REEP5: variants seen among roughly 807,000 people sequenced by gnomAD.
REEP5 encodes the protein receptor expression-enhancing protein 5.
In REEP5, 24 loss-of-function variants were observed where a neutral mutation model predicts 22.4. The ratio of observed to expected loss-of-function variants is 1.07; its 90% confidence interval spans 0.78 to 1.51. The LOEUF (loss-of-function observed/expected upper bound fraction) is 1.51, where lower values mean the gene tolerates loss of function less well. Ranked by LOEUF, REEP5 falls within the 40% of genes most tolerant of loss-of-function variation. REEP5 has a pLI of 0.00. For synonymous variants in REEP5, 103 were observed against 88.6 expected (o/e 1.16, Z -0.92); for missense variants, 252 against 233.0 (o/e 1.08, Z -0.53).
intron 3 of REEP5, chr5:112,893,522 C>T (rs566376780): frequency 6.4e-6 from 1 of 155,492 alleles, no homozygotes; most frequent in South Asian, 2.0e-4. Context: ...TAAGCCAGGC[C>T]TCTCTTCACC....
At chr5:112,919,402 C>T (rs1361763557) in intron 2 of REEP5, among the ~76,000 whole-genome samples, 2 of 151,556 alleles carry the variant, frequency 1.3e-5, no homozygotes, top group Non-Finnish European at 2.9e-5. Context: ...ACTAAAATTA[C>T]TCAGGCGTGG....
chr5:112,889,709 C>G (rs1169495590), intron 3 of REEP5, among the ~76,000 whole-genome samples: 1 of 150,406 alleles, frequency 6.6e-6, no homozygotes, highest in Admixed American at 6.6e-5. Flanking sequence ...GATATACTAG[C>G]CAGGCTTACA....
intron 4 of REEP5, among the ~76,000 whole-genome samples, chr5:112,884,821 TATATGGTAAATA>T (rs1768191902): frequency 6.6e-6 from 1 of 151,776 alleles, no homozygotes; most frequent in African/African-American, 2.4e-5. Context: ...TTCCCTATAT[TATATGGTAAATA>T]TACTATCTAA....
intron 3 of REEP5, among the ~76,000 whole-genome samples, chr5:112,898,722 C>A (rs976852551): frequency 6.6e-6 from 1 of 152,164 alleles, no homozygotes; most frequent in African/African-American, 2.4e-5. Flanking sequence ...TTAGATGGAT[C>A]TTATTAAGGG....
intron 2 of REEP5, among the ~76,000 whole-genome samples, chr5:112,905,563 AAAAC>A (rs1051588868): frequency 2.0e-5 from 3 of 147,526 alleles, no homozygotes; most frequent in Admixed American, 1.3e-4. Flanking sequence ...AAACAAAAAA[AAAAC>A]AAACTTGAGG....
Position 112,878,846 on chromosome 5 carries a change from G to T in REEP5, c.521-11C>A. 6.2e-6 allele frequency: 10 copies of T among 1,613,988 alleles called. No homozygotes were observed. Among genetic ancestry groups the T allele is most frequent in the Non-Finnish European group, 8.5e-6 (10 of 1,179,990 alleles). ...CGGTAGCTTTCTTCGCTGTTTGTTT[G>T]TTAGGAGGGAAAGAAAAATATATCA... On this transcript the variant is annotated splice_polypyrimidine_tract_variant and intron_variant, in intron 4 of 4. Coordinates refer to ENST00000379638, the MANE Select transcript of REEP5 (RefSeq NM_005669.5).
Position 112,921,127 on chromosome 5 carries a change from G to A in REEP5, c.212+36C>T, listed in dbSNP as rs375764483. 4.4e-5 allele frequency: 70 copies of A among 1,596,724 alleles called. 1 individual carries two copies. Among genetic ancestry groups the A allele is most frequent in the Middle Eastern group, 3.3e-4 (2 of 6,034 alleles). ...AGCAGCCCTGCGGGGAGGAATGGAG[G>A]AAGGGAAGGGGACGGCTGCAGGGTG... On this transcript the variant is annotated intron_variant, in intron 2 of 4. Coordinates refer to ENST00000379638, the MANE Select transcript of REEP5 (RefSeq NM_005669.5).
intron 3 of REEP5, chr5:112,897,350 A>AACACAC (rs1768719555): frequency 9.3e-5 from 12 of 129,572 alleles, no homozygotes; most frequent in African/African-American, 2.6e-4. Flanking sequence ...AACACATCCC[A>AACACAC]TCACACACAC....
At chr5:112,904,432 G>C (rs114169714) in intron 2 of REEP5, among the ~76,000 whole-genome samples, 111 of 152,086 alleles carry the variant, frequency 7.3e-4, no homozygotes, top group African/African-American at 2.6e-3. Flanking sequence ...ATTCATTCTG[G>C]GCAGAGGAGA....
chr5:112,887,568 C>T (rs939424519), intron 3 of REEP5, among the ~76,000 whole-genome samples: 2 of 152,108 alleles, frequency 1.3e-5, no homozygotes, highest in African/African-American at 4.8e-5. Flanking sequence ...AGCCTAATAT[C>T]TAGGAGGCCT....
intron 3 of REEP5, chr5:112,896,475 A>T (rs1580743213): frequency 6.6e-6 from 1 of 152,082 alleles, no homozygotes; most frequent in African/African-American, 2.4e-5. Flanking sequence ...GTGAGCAGAG[A>T]TCACGCCACT....
chr5:112,908,086 C>CTTTGTTTTTTTTT lies in REEP5; in HGVS notation c.213-5569_213-5568insAAAAAAAAACAAA, dbSNP rs1561657600. ...TTTGGAAAAGAATGAGCATCAGAGA[C>CTTTGTTTTTTTTT]TTTCTTTGTTTTTTGTTTTTTTTTT... On this transcript the variant is annotated intron_variant, in intron 2 of 4. Transcript: ENST00000379638. Among the ~76,000 whole-genome samples, 2 of 76,766 alleles carry CTTTGTTTTTTTTT rather than the reference C, an allele frequency of 2.6e-5. 1 individual carries two copies. Among genetic ancestry groups the CTTTGTTTTTTTTT allele is most frequent in the Non-Finnish European group, 5.3e-5 (2 of 37,954 alleles). 50.4% of individuals were successfully genotyped at this position (76,766 alleles called of 152,430 possible).
chr5:112,915,353 TTTTC>T (rs1769208779), intron 2 of REEP5, among the ~76,000 whole-genome samples: 1 of 152,242 alleles, frequency 6.6e-6, no homozygotes, highest in Non-Finnish European at 1.5e-5. Context: ...TAAAACTTTA[TTTTC>T]TTTATGACAC....
chr5:112,913,661 T>G (rs1054068757), intron 2 of REEP5, among the ~76,000 whole-genome samples: 13 of 152,176 alleles, frequency 8.5e-5, no homozygotes, highest in African/African-American at 3.1e-4. Context: ...AGTGATCTCA[T>G]TTACCACTAT....
intron 4 of REEP5, among the ~76,000 whole-genome samples, chr5:112,879,599 G>A (rs1435033778): frequency 9.2e-5 from 14 of 152,062 alleles, no homozygotes; most frequent in African/African-American, 1.7e-4. Context: ...TCAGCCTCCC[G>A]AGTAGCTGGG....
intron 3 of REEP5, chr5:112,891,958 G>T (rs755182345): frequency 8.1e-6 from 10 of 1,237,544 alleles, no homozygotes; most frequent in African/African-American, 2.9e-5. Flanking sequence ...ATGGCTAGAA[G>T]AACAAGAGAG....
At chr5:112,891,907 G>A (rs776143293) in intron 3 of REEP5, 5 of 1,315,066 alleles carry the variant, frequency 3.8e-6, no homozygotes, top group South Asian at 3.5e-5. Context: ...GGCACAAGAA[G>A]AATTCAGAAT....
chr5:112,892,349 C>G (rs763805816), intron 3 of REEP5: 48 of 1,614,106 alleles, frequency 3.0e-5, no homozygotes, highest in Non-Finnish European at 4.1e-5. Context: ...GAGGAAGAAA[C>G]CTACCAACAG....
At chr5:112,898,134 G>A (rs1458774452) in intron 3 of REEP5, 1 of 152,190 alleles carries the variant, frequency 6.6e-6, no homozygotes, top group Admixed American at 6.5e-5. Flanking sequence ...GCATGCGATT[G>A]CAACAGCATA....
Sources: gnomAD v4.1 joint callset for allele counts (sites outside exome capture counted in the v4.1 genomes callset) on GRCh38, gnomAD v4.1.1 for gene constraint, MANE v1.5 for transcripts, NCBI Gene and HGNC (gene_info 2026-07-23, HGNC 2026-07-21) for gene names.